GMEB2: variants seen among roughly 807,000 people sequenced by gnomAD.
GMEB2 encodes the protein glucocorticoid modulatory element binding protein 2.
A neutral mutation model predicts 45.7 loss-of-function variants in GMEB2; 7 were observed. The ratio of observed to expected loss-of-function variants is 0.15; its 90% CI spans 0.09 to 0.29. The LOEUF (loss-of-function observed/expected upper bound fraction) is 0.29. GMEB2 is among the 10% of genes least tolerant of loss of function. The pLI, the probability that GMEB2 is intolerant of heterozygous loss-of-function variation, is 1.00. For missense variants in GMEB2, 582 were observed against 739.2 expected, an observed-to-expected ratio of 0.79 and a Z score of 2.47; for synonymous variants, 322 against 323.6, an observed-to-expected ratio of 1.00 and a Z score of 0.05.
rs779958855 is a variant in GMEB2, at chr20:63,590,038, G to A, written c.*51C>T. 2 of 1,461,732 alleles carry A rather than the reference G, an allele frequency of 1.4e-6. No individual in the cohort carries two copies. Among genetic ancestry groups the A allele is most frequent in the Non-Finnish European group, 1.8e-6 (2 of 1,105,922 alleles). The allele number at this position is 1,461,732 out of a possible 1,614,324, so 90.5% of individuals were successfully genotyped here. On this transcript the variant is annotated 3_prime_UTR_variant, in exon 10 of 10. Transcript: ENST00000370077. ...CCTCTGCCCGCTCCCTGCTGCCGCG[G>A]CTGAGAGACAGCCAGCCCTGTCCGT...
rs1171608966 is a variant in GMEB2, at chr20:63,592,158, G to A, written c.830-14C>T. On this transcript the variant is annotated splice_polypyrimidine_tract_variant and intron_variant, in intron 8 of 9. Coordinates refer to ENST00000370077, the MANE Select transcript of GMEB2 (RefSeq NM_012384.5). This position sits in a 1 kb window ranked among gnomAD's most constrained non-coding sequence, Gnocchi z 8.2. ...GAAGTACAGCATCTTAAAGGGTAAC[G>A]CGGACACTCAGTGAGAGCCCAAGCC... 9 of 1,610,728 alleles carry A rather than the reference G, an allele frequency of 5.6e-6. No individual in the cohort carries two copies. Among genetic ancestry groups the A allele is most frequent in the East Asian group, 2.2e-5 (1 of 44,826 alleles).
In GMEB2 at chr20:63,589,880, T is replaced by C. The variant is rs2083128302; in HGVS notation, c.*209A>G. ...CCCAAGAAAAAAGGGGGAGGAAACG[T>C]GGGACCTGAAGACCGATTTTCCAGG... On this transcript the variant is annotated 3_prime_UTR_variant, in exon 10 of 10. Coordinates refer to ENST00000370077, the MANE Select transcript of GMEB2 (RefSeq NM_012384.5). 3 of 430,070 alleles carry C rather than the reference T, an allele frequency of 7.0e-6. No homozygotes were observed. Among genetic ancestry groups the C allele is most frequent in the Non-Finnish European group, 1.2e-5 (3 of 244,120 alleles). 26.6% of individuals were successfully genotyped at this position (430,070 alleles called of 1,614,324 possible). A position where few individuals can be genotyped will look rare whatever the true frequency, so the allele number is the denominator to read the frequency against.
rs376921143 is a variant in GMEB2, at chr20:63,599,855, A to G, written c.358-1995T>C. ...CGCCTAGACCTGTGCACGTGCAGCT[A>G]CTGAGAGTGAAGCAGAGACGTCGGG... On this transcript the variant is annotated intron_variant, in intron 4 of 9. Coordinates refer to ENST00000370077, the MANE Select transcript of GMEB2 (RefSeq NM_012384.5). 1.2e-4 allele frequency among the ~76,000 whole-genome samples: 19 copies of G among 152,152 alleles called. No individual in the cohort carries two copies. The East Asian group carries it at 1.7e-3, about 14-fold the overall frequency.
At position 63,592,959 on chromosome 20, in the gene GMEB2, C is replaced by G; in HGVS notation, c.691+52G>C. 7.9e-7 allele frequency: 1 copy of G among 1,266,572 alleles called. No individual in the cohort carries two copies. Among genetic ancestry groups the G allele is most frequent in the Non-Finnish European group, 1.1e-6 (1 of 879,284 alleles). 78.5% of individuals were successfully genotyped at this position (1,266,572 alleles called of 1,614,324 possible). On this transcript the variant is annotated intron_variant, in intron 7 of 9. Transcript: ENST00000370077. The surrounding 1 kb of genome is among the most constrained non-coding windows in gnomAD (Gnocchi z 8.2). ...CTGTGTGGCCCGAGGTGGGCAGAGACTCCACCACCCCGCCAGGGCTTGTGA... is the reference window on the plus strand; with the variant it reads ...CTGTGTGGCCCGAGGTGGGCAGAGAGTCCACCACCCCGCCAGGGCTTGTGA...
At chr20:63,624,261 A>C (rs1033744668) in intron 1 of GMEB2, among the ~76,000 whole-genome samples, 3 of 145,758 alleles carry the variant, frequency 2.1e-5, no homozygotes. Context: ...TACTAAAAAT[A>C]CAAAAAAAAA....
At chr20:63,597,930 C>T (rs915258363) in intron 4 of GMEB2, 70 bp from the exon 5 acceptor site, 23 of 891,148 alleles carry the variant, frequency 2.6e-5, no homozygotes, top group East Asian at 9.7e-5. Flanking sequence ...ATCTCCCATC[C>T]GACCCTGAGT....
At chr20:63,595,562 C>T (rs1032967636) in intron 6 of GMEB2, 48 bp downstream of exon 6, 8 of 1,530,266 alleles carry the variant, frequency 5.2e-6, no homozygotes, top group Admixed American at 1.9e-5. Context: ...CCTCTGTGGC[C>T]ATGGCCAGGG....
chr20:63,598,611 G>A (rs538428656), intron 4 of GMEB2, among the ~76,000 whole-genome samples: 6 of 152,130 alleles, frequency 3.9e-5, no homozygotes, highest in East Asian at 1.9e-4. Flanking sequence ...CTCCACCCCC[G>A]GGCCGTGCCC....
chr20:63,597,975 G>A (rs1205401734), intron 4 of GMEB2, 115 bp from the exon 5 acceptor site: 6 of 698,818 alleles, frequency 8.6e-6, no homozygotes, highest in African/African-American at 3.5e-5. Context: ...CCACGGCACG[G>A]CTCTGACCGG....
chr20:63,603,235 G>A (rs2083254169), intron 3 of GMEB2, 143 bp from the exon 4 acceptor site: 1 of 813,906 alleles, frequency 1.2e-6, no homozygotes, highest in Admixed American at 2.4e-5. Context: ...ATAGAGCCAA[G>A]GTGGGCAGGG....
At chr20:63,601,522 C>T (rs924346701) in intron 4 of GMEB2, among the ~76,000 whole-genome samples, 3 of 150,230 alleles carry the variant, frequency 2.0e-5, no homozygotes, top group Admixed American at 6.7e-5. Context: ...TTATGCTTTA[C>T]TCATGCTCTC....
At chr20:63,600,090 G>A (rs1468738478) in intron 4 of GMEB2, among the ~76,000 whole-genome samples, 1 of 151,674 alleles carries the variant, frequency 6.6e-6, no homozygotes, top group Non-Finnish European at 1.5e-5. Flanking sequence ...CGTCCAGGCT[G>A]GAGTGCACTG....
intron 2 of GMEB2, among the ~76,000 whole-genome samples, chr20:63,610,713 A>G (rs562842813): frequency 6.6e-6 from 1 of 152,326 alleles, no homozygotes; most frequent in East Asian, 1.9e-4. Context: ...CTGCTCCATA[A>G]GCCACTGTCC....
chr20:63,593,442 G>A lies in GMEB2; in HGVS notation c.620-360C>T, dbSNP rs561787081. Among the ~76,000 whole-genome samples, 2 of 148,062 alleles carry A rather than the reference G, an allele frequency of 1.4e-5. No individual in the cohort carries two copies. The highest frequency in any genetic ancestry group is 5.0e-5 in the African/African-American group (2 of 40,120). ...GCGAGACAAGGTGATCCTTCTGCTTGACTTGTTTTCCCACCGAGAGCTCTG... is the reference window on the plus strand; with the variant it reads ...GCGAGACAAGGTGATCCTTCTGCTTAACTTGTTTTCCCACCGAGAGCTCTG... On this transcript the variant is annotated intron_variant, in intron 6 of 9. Coordinates refer to ENST00000370077, the MANE Select transcript of GMEB2 (RefSeq NM_012384.5). This position sits in a 1 kb window ranked among gnomAD's most constrained non-coding sequence, Gnocchi z 4.7.
intron 2 of GMEB2, among the ~76,000 whole-genome samples, chr20:63,615,819 G>A (rs560207397): frequency 1.3e-5 from 2 of 152,272 alleles, no homozygotes; most frequent in East Asian, 3.9e-4. Flanking sequence ...CTTTGTGGGG[G>A]TTCATCCAGC....
At chr20:63,605,959 GA>G (rs1000485696) in intron 2 of GMEB2, among the ~76,000 whole-genome samples, 10 of 148,288 alleles carry the variant, frequency 6.7e-5, no homozygotes, top group South Asian at 6.4e-4. Flanking sequence ...TGTCTCAGGG[GA>G]AAAAAAAAAC....
In GMEB2 at chr20:63,619,671, G is replaced by A. The variant is rs546194714; in HGVS notation, c.-57-217C>T. 11 of 292,116 alleles carry A rather than the reference G, an allele frequency of 3.8e-5. No homozygotes were observed. The highest frequency in any genetic ancestry group is 1.7e-4 in the East Asian group (2 of 11,776). 18.1% of individuals were successfully genotyped at this position (292,116 alleles called of 1,614,324 possible). Reference sequence around the variant, plus strand: ...ACCCGTTTTTCCCACTGGATAAGCCGAAACCCTTGGGTAGAAAGCACAGAG... The same window carrying A: ...ACCCGTTTTTCCCACTGGATAAGCCAAAACCCTTGGGTAGAAAGCACAGAG... On this transcript the variant is annotated intron_variant, in intron 1 of 9. Coordinates refer to ENST00000370077, the MANE Select transcript of GMEB2 (RefSeq NM_012384.5). This position sits in a 1 kb window ranked among gnomAD's most constrained non-coding sequence, Gnocchi z 4.6.
intron 2 of GMEB2, among the ~76,000 whole-genome samples, chr20:63,612,043 G>A (rs8122722): frequency 0.017 from 2,521 of 152,304 alleles, 69 homozygotes; most frequent in African/African-American, 0.056. Context: ...GCAACAGAAC[G>A]AGACTCTGTT....
chr20:63,626,080 G>T (rs1356470448), intron 1 of GMEB2, among the ~76,000 whole-genome samples: 1 of 152,184 alleles, frequency 6.6e-6, no homozygotes, highest in Non-Finnish European at 1.5e-5. Context: ...GACTGACGAC[G>T]GGCCCACAAC....
Sources: gnomAD v4.1 joint callset for allele counts (sites outside exome capture counted in the v4.1 genomes callset) on GRCh38, gnomAD v4.1.1 for gene constraint, Gnocchi (gnomAD v3.1) non-coding constraint, MANE v1.5 for transcripts, NCBI Gene and HGNC (gene_info 2026-07-23, HGNC 2026-07-21) for gene names.